The following INHBA variants were observed in gnomAD, a reference collection of about 807,000 sequenced individuals.
INHBA encodes the protein inhibin subunit beta A, also known as inhibin beta A chain.
Under a neutral mutation model 29.0 loss-of-function variants are expected in INHBA, and 1 was observed. That is an observed-to-expected ratio of 0.03 (90% CI 0.01 to 0.16). The LOEUF (loss-of-function observed/expected upper bound fraction) is 0.16, where lower values mean the gene tolerates loss of function less well. Among genes scored for constraint, INHBA ranks in the 10% least tolerant of loss-of-function variants. The probability of loss-of-function intolerance (pLI) is 1.00; values close to 1 mark genes in which losing one functional copy is unlikely to be tolerated. For synonymous variants in INHBA, 242 were observed against 216.8 expected (o/e 1.12, Z -1.02); for missense variants, 376 against 545.4 (o/e 0.69, Z 3.09).
chr7:41,694,175 T>G (rs144414998), intron 2 of INHBA: 1 of 152,184 alleles, frequency 6.6e-6, no homozygotes, highest in African/African-American at 2.4e-5. Context: ...CAGAAGGGTG[T>G]GGGGAGATGA....
Position 41,690,067 on chromosome 7 carries a change from C to T in INHBA, c.864G>A (p.Ser288=), listed in dbSNP as rs746207062. 3 of 1,613,776 alleles carry T rather than the reference C, an allele frequency of 1.9e-6. No individual in the cohort carries two copies. The highest frequency in any genetic ancestry group is 2.5e-6 in the Non-Finnish European group (3 of 1,179,980). The change falls in exon 3 of 3, where the codon TCG becomes TCA. Residue 288 remains serine, a synonymous_variant. Coordinates refer to ENST00000242208, the MANE Select transcript of INHBA (RefSeq NM_002192.4). The part of the protein sequence containing the change: ...GAGADEEKEQ[S]HRPFLMLQAR... Reference sequence around the variant, plus strand: ...CCTGCAGCATGAGGAAAGGTCTGTGCGACTGCTCCTTTTCCTCATCTGCTC... The same window carrying T: ...CCTGCAGCATGAGGAAAGGTCTGTGTGACTGCTCCTTTTCCTCATCTGCTC...
rs1261664857 is a variant in INHBA at position 41,700,275 on chromosome 7, C to T, written c.100G>A (p.Asp34Asn). ...PGSEGHSAAP[D>N]CPSCALAALP... Reference sequence around the variant, plus strand: ...GCGGCCAGCGCACAGGACGGACAGTCGGGGGCCGCGCTGTGCCCCTCGGAT... The same window carrying T: ...GCGGCCAGCGCACAGGACGGACAGTTGGGGGCCGCGCTGTGCCCCTCGGAT... Residue 34 changes from aspartate to asparagine, a missense_variant, in exon 2 of 3, where the codon GAC (aspartate) becomes AAC (asparagine). Around this residue, in one of 4 missense-constraint regions of INHBA, gnomAD observed 71 missense variants for 77.0 expected, o/e 0.92. Transcript: ENST00000242208. The T allele has an allele frequency of 2.5e-6, 4 of 1,600,764 alleles. No individual in the cohort carries two copies. The highest frequency in any genetic ancestry group is 1.7e-4 in the Middle Eastern group (1 of 6,024).
At chr7:41,690,889 G>A (rs144022511) in intron 2 of INHBA, among the ~76,000 whole-genome samples, 128 of 152,282 alleles carry the variant, frequency 8.4e-4, no homozygotes, top group African/African-American at 2.6e-3. Flanking sequence ...CAAGGACTGC[G>A]TAGCTGCAAC....
At chr7:41,696,657 C>G (rs891893812) in intron 2 of INHBA, among the ~76,000 whole-genome samples, 1 of 152,058 alleles carries the variant, frequency 6.6e-6, no homozygotes, top group Non-Finnish European at 1.5e-5. Flanking sequence ...CGGAAGAGAG[C>G]GTGTAACCCC....
chr7:41,703,755 C>G (rs554106744), upstream of INHBA, among the ~76,000 whole-genome samples: 1 of 125,590 alleles, frequency 8.0e-6, no homozygotes, highest in African/African-American at 3.1e-5. Flanking sequence ...GAATCTCATT[C>G]TAACTAACCA....
At position 41,689,809 on chromosome 7, in the gene INHBA, G is replaced by A; in HGVS notation, c.1122C>T (p.Asn374=). 2.5e-6 allele frequency: 4 copies of A among 1,614,120 alleles called. No individual in the cohort carries two copies. Among genetic ancestry groups the A allele is most frequent in the Non-Finnish European group, 3.4e-6 (4 of 1,180,004 alleles). Residue 374 remains asparagine (N), a synonymous_variant, in exon 3 of 3, where the codon AAC becomes AAT. Coordinates refer to ENST00000242208, the MANE Select transcript of INHBA (RefSeq NM_002192.4). ...SSLSFHSTVI[N]HYRMRGHSPF... ...GGCTATGGCCCCGCATGCGGTAGTG[G>A]TTGATGACTGTTGAGTGGAAGGACA...
upstream of INHBA, among the ~76,000 whole-genome samples, chr7:41,703,482 G>C (rs1794841516): frequency 1.3e-5 from 2 of 151,932 alleles, no homozygotes; most frequent in Non-Finnish European, 2.9e-5. Flanking sequence ...TATTTACAAA[G>C]TATTTTATTG....
chr7:41,692,544 G>T (rs1225732485), intron 2 of INHBA: 3 of 152,394 alleles, frequency 2.0e-5, no homozygotes, highest in South Asian at 4.1e-4. Flanking sequence ...CAGGGCTGCA[G>T]ATGGATAGGA....
At position 41,690,410 on chromosome 7, in the gene INHBA, C is replaced by T. The variant is rs537531066; in HGVS notation, c.521G>A (p.Arg174His). The change falls in exon 3 of 3, where the codon CGC (arginine) becomes CAC (histidine). Residue 174 changes from arginine (R) to histidine (H), a missense_variant. By Grantham distance (29) the Arg-to-His change is conservative. Around this residue, in one of 4 missense-constraint regions of INHBA, gnomAD observed 253 missense variants for 313.4 expected, o/e 0.81. Coordinates refer to ENST00000242208, the MANE Select transcript of INHBA (RefSeq NM_002192.4). ...ANRTRTKVTI[R>H]LFQQQKHPQG... ...CGGGTGCTTCTGCTGCTGGAAGAGG[C>T]GGATGGTGACTTTGGTCCTGGTCCT... 15 of 1,614,060 alleles carry T rather than the reference C, an allele frequency of 9.3e-6. No homozygotes were observed. Among genetic ancestry groups the T allele is most frequent in the Middle Eastern group, 1.6e-4 (1 of 6,062 alleles).
At chr7:41,704,557 C>A (rs1794867513), upstream of INHBA, among the ~76,000 whole-genome samples, 1 of 151,684 alleles carries the variant, frequency 6.6e-6, no homozygotes, top group African/African-American at 2.4e-5. Context: ...TCACCCCTGA[C>A]CCACACATGA....
upstream of INHBA, among the ~76,000 whole-genome samples, chr7:41,704,017 GTTGT>G (rs1794855827): frequency 6.6e-6 from 1 of 152,218 alleles, no homozygotes; most frequent in Non-Finnish European, 1.5e-5. Context: ...ACGGTGAAGG[GTTGT>G]TTGAAGGACT....
chr7:41,704,629 TGTGTGTGTGTGTG>T (rs1345014470), upstream of INHBA, among the ~76,000 whole-genome samples: 18 of 145,218 alleles, frequency 1.2e-4, no homozygotes, highest in Non-Finnish European at 2.6e-4. Flanking sequence ...TGTGTGTGTG[TGTGTGTGTGTGTG>T]TGTGTGTGTG....
chr7:41,699,393 C>G (rs1159630589), intron 2 of INHBA, among the ~76,000 whole-genome samples: 2 of 152,118 alleles, frequency 1.3e-5, no homozygotes, highest in South Asian at 2.1e-4. Context: ...GAATGTGGTG[C>G]CTGTGCACTT....
intron 2 of INHBA, among the ~76,000 whole-genome samples, chr7:41,694,477 T>A (rs903095454): frequency 1.3e-5 from 2 of 152,176 alleles, no homozygotes; most frequent in Non-Finnish European, 2.9e-5. Context: ...AAATATCTCA[T>A]GCTGTAAACT....
At chr7:41,701,161 A>G (rs1794784959) in intron 1 of INHBA, among the ~76,000 whole-genome samples, 1 of 152,102 alleles carries the variant, frequency 6.6e-6, no homozygotes, top group African/African-American at 2.4e-5. Context: ...AGAAACCCCA[A>G]ACAAACACAG....
chr7:41,697,376 T>G (rs1794672456), intron 2 of INHBA, among the ~76,000 whole-genome samples: 1 of 152,248 alleles, frequency 6.6e-6, no homozygotes, highest in Non-Finnish European at 1.5e-5. Flanking sequence ...GCATCAACTT[T>G]ACAAAAATTG....
intron 2 of INHBA, among the ~76,000 whole-genome samples, chr7:41,699,749 G>A (rs1236790445): frequency 1.3e-5 from 2 of 152,096 alleles, no homozygotes; most frequent in Non-Finnish European, 2.9e-5. Flanking sequence ...GGTTTAGTAA[G>A]TGTAAGCCAG....
In INHBA at chr7:41,688,986, T is replaced by C. The variant is rs1162388496; in HGVS notation, c.*664A>G. On this transcript the variant is annotated 3_prime_UTR_variant, in exon 3 of 3. Transcript: ENST00000242208. Reference sequence around the variant, plus strand: ...ATTCTTTCCATACTTGTTCTCAATTTTTTAATGTTGTTTGTTTTGTTTTGT... The same window carrying C: ...ATTCTTTCCATACTTGTTCTCAATTCTTTAATGTTGTTTGTTTTGTTTTGT... 4.3e-6 allele frequency: 1 copy of C among 232,976 alleles called. No individual in the cohort carries two copies. 14.4% of individuals were successfully genotyped at this position (232,976 alleles called of 1,614,324 possible). A position where few individuals can be genotyped will look rare whatever the true frequency, so the allele number is the denominator to read the frequency against.
chr7:41,701,491 C>T (rs1562571939), intron 1 of INHBA, among the ~76,000 whole-genome samples: 2 of 152,116 alleles, frequency 1.3e-5, no homozygotes. Flanking sequence ...TAATACACTC[C>T]ACTCTTCCCA....
Sources: gnomAD v4.1 joint callset for allele counts (sites outside exome capture counted in the v4.1 genomes callset) on GRCh38, gnomAD v4.1.1 for gene constraint, gnomAD v4.1.1 regional missense constraint, MANE v1.5 for transcripts, NCBI Gene and HGNC (gene_info 2026-07-23, HGNC 2026-07-21) for gene names.